The following ZNF488 variants were observed in gnomAD, a reference collection of about 807,000 sequenced individuals.
ZNF488 encodes zinc finger protein 488.
ZNF488 carries 1 observed loss-of-function variant against 1.2 expected under a neutral mutation model. The observed-to-expected ratio is 0.86, with a 90% CI of 0.30 to 4.07. The LOEUF (loss-of-function observed/expected upper bound fraction) is 4.07, where lower values mean the gene tolerates loss of function less well. Among genes scored for constraint, ZNF488 ranks in the 30% most tolerant of loss-of-function variants. The pLI, the probability that ZNF488 is intolerant of heterozygous loss-of-function variation, is 0.18. For missense variants in ZNF488, 450 were observed against 437.9 expected (o/e 1.03, Z -0.25); for synonymous variants, 185 against 190.1 (o/e 0.97, Z 0.22).
chr10:47,377,251 C>T (rs1472358227), intron 1 of ZNF488, among the ~76,000 whole-genome samples: 8 of 152,186 alleles, frequency 5.3e-5, no homozygotes, highest in Non-Finnish European at 7.4e-5. Flanking sequence ...ACTCAGCATC[C>T]TTCCTAACCA....
chr10:47,383,251 T>C (rs551843028), intron 1 of ZNF488, among the ~76,000 whole-genome samples: 1 of 152,358 alleles, frequency 6.6e-6, no homozygotes, highest in Admixed American at 6.5e-5. Flanking sequence ...ATGTCTAATG[T>C]CTCCCTCAGG....
In ZNF488 at chr10:47,367,976, C is replaced by G. The variant is rs146643655; in HGVS notation, c.854G>C (p.Arg285Pro). The G allele has an allele frequency of 1.2e-6, 2 of 1,613,866 alleles. No homozygotes were observed. The highest frequency in any genetic ancestry group is 2.2e-5 in the South Asian group (2 of 91,068). ...NWCAKCNLSF[R>P]LTSDLVFHMR... ...GTGAAAGACCAGGTCGGACGTTAGGCGAAAGGACAGGTTGCACTTTGCACA... is the reference window on the plus strand; with the variant it reads ...GTGAAAGACCAGGTCGGACGTTAGGGGAAAGGACAGGTTGCACTTTGCACA... Residue 285 changes from arginine to proline, a missense_variant, in exon 2 of 2, where the codon CGC (arginine) becomes CCC (proline). Coordinates refer to ENST00000585316, the MANE Select transcript of ZNF488 (RefSeq NM_153034.4).
intron 1 of ZNF488, among the ~76,000 whole-genome samples, chr10:47,383,564 C>T (rs1838066162): frequency 6.6e-6 from 1 of 152,230 alleles, no homozygotes; most frequent in African/African-American, 2.4e-5. Flanking sequence ...TCAATCAACC[C>T]CTTGTCTCTA....
chr10:47,382,970 G>A (rs549572030), intron 1 of ZNF488, among the ~76,000 whole-genome samples: 19 of 152,276 alleles, frequency 1.2e-4, no homozygotes, highest in African/African-American at 3.4e-4. Flanking sequence ...ATTTGTGTGT[G>A]TTTGAACATA....
chr10:47,368,742 C>G lies in ZNF488; in HGVS notation c.88G>C (p.Ala30Pro). The change falls in exon 2 of 2, where the codon GCT becomes CCT. Residue 30 changes from alanine to proline, a missense_variant. Physicochemically the swap from Ala to Pro is conservative, Grantham distance 27 (BLOSUM62 -1). Transcript: ENST00000585316. ...AGKGAPLSPS[A>P]ENRWRLSEPE... The stretch of plus-strand genomic sequence containing the variant: ...TCGCTAAGTCGCCATCTGTTTTCAG[C>G]CGATGGGCTCAACGGGGCTCCCTTC... 6.2e-7 allele frequency: 1 copy of G among 1,613,256 alleles called. No individual in the cohort carries two copies. Among genetic ancestry groups the G allele is most frequent in the Non-Finnish European group, 8.5e-7 (1 of 1,180,022 alleles).
chr10:47,372,921 G>T (rs1380138316), intron 1 of ZNF488, among the ~76,000 whole-genome samples: 1 of 152,156 alleles, frequency 6.6e-6, no homozygotes, highest in African/African-American at 2.4e-5. Context: ...ATGGAGGGAT[G>T]GGCAGAGGCT....
chr10:47,381,751 C>A (rs1214714127), intron 1 of ZNF488, among the ~76,000 whole-genome samples: 1 of 152,212 alleles, frequency 6.6e-6, no homozygotes, highest in African/African-American at 2.4e-5. Context: ...GTGATCTCAT[C>A]ATCCACTCAG....
At chr10:47,378,983 A>G (rs1359650415) in intron 1 of ZNF488, among the ~76,000 whole-genome samples, 1 of 152,186 alleles carries the variant, frequency 6.6e-6, no homozygotes, top group Non-Finnish European at 1.5e-5. Flanking sequence ...GTTCCCGAGC[A>G]AAGCACTCAA....
chr10:47,377,184 A>T (rs560046745), intron 1 of ZNF488, among the ~76,000 whole-genome samples: 1 of 152,214 alleles, frequency 6.6e-6, no homozygotes, highest in Non-Finnish European at 1.5e-5. Context: ...ACAGGAAAGG[A>T]GGAATACGCG....
chr10:47,371,659 C>T (rs1021852546), intron 1 of ZNF488, among the ~76,000 whole-genome samples: 24 of 152,066 alleles, frequency 1.6e-4, no homozygotes, highest in African/African-American at 5.3e-4. Context: ...CGGCAGTGCC[C>T]TTTTCTGCTT....
chr10:47,368,572 G>A lies in ZNF488; in HGVS notation c.258C>T (p.Gly86=). The change falls in exon 2 of 2, where the codon GGC becomes GGT. Residue 86 remains glycine (G), a synonymous_variant. Transcript: ENST00000585316. ...CACGTGTCTTCGGGGGCAGCGGCTT[G>A]CCAGGTCGGGGCTTGCCTGGGGCTA... is the stretch of plus-strand genomic sequence containing the variant. ...LLVAPGKPRP[G]KPLPPKTRGE... is the part of the protein sequence containing the mutation. 1 of 1,610,832 alleles carries A rather than the reference G, an allele frequency of 6.2e-7. No homozygotes were observed. Among genetic ancestry groups the A allele is most frequent in the African/African-American group, 1.3e-5 (1 of 75,004 alleles).
rs1837650010 is a variant in ZNF488, at chr10:47,375,584, C to T, written c.-108-6647G>A. Among the ~76,000 whole-genome samples the T allele has an allele frequency of 5.9e-5, 9 of 152,176 alleles. 1 individual carries two copies. The highest frequency in any genetic ancestry group is 5.9e-4 in the Admixed American group (9 of 15,288). The stretch of plus-strand genomic sequence containing the variant: ...TAGCTGTTATATTGTGAATAGCTCA[C>T]AAAAAGCTGAGGGACTATTCTTCTA... On this transcript the variant is annotated intron_variant, in intron 1 of 1. Coordinates refer to ENST00000585316, the MANE Select transcript of ZNF488 (RefSeq NM_153034.4).
chr10:47,371,750 T>C (rs530244790), intron 1 of ZNF488, among the ~76,000 whole-genome samples: 2 of 152,098 alleles, frequency 1.3e-5, no homozygotes, highest in Non-Finnish European at 2.9e-5. Flanking sequence ...GCTACTTTCC[T>C]AACTGCTCCA....
chr10:47,371,318 CA>C (rs1185387328), intron 1 of ZNF488, among the ~76,000 whole-genome samples: 2 of 151,992 alleles, frequency 1.3e-5, no homozygotes, highest in Non-Finnish European at 2.9e-5. Flanking sequence ...GCTTATAATA[CA>C]ATGTTAGTGT....
In ZNF488 at chr10:47,372,562, G is replaced by A. The variant is rs187049839; in HGVS notation, c.-108-3625C>T. 8.9e-3 allele frequency among the ~76,000 whole-genome samples: 1,359 copies of A among 152,200 alleles called. 24 individuals are homozygous for A. Among genetic ancestry groups the A allele is most frequent in the African/African-American group, 0.03 (1,259 of 41,504 alleles). On this transcript the variant is annotated intron_variant, in intron 1 of 1. Coordinates refer to ENST00000585316, the MANE Select transcript of ZNF488 (RefSeq NM_153034.4). The stretch of plus-strand genomic sequence containing the variant: ...AGTATAGGTCAAGAAAAAAAATAAA[G>A]AGAAGGAGAAAACAGAGAAAATGCA...
intron 1 of ZNF488, among the ~76,000 whole-genome samples, chr10:47,383,203 A>C (rs1276312890): frequency 6.6e-6 from 1 of 152,260 alleles, no homozygotes; most frequent in African/African-American, 2.4e-5. Flanking sequence ...AATGTACATA[A>C]AATCATTACT....
chr10:47,370,407 G>C (rs1555213708), intron 1 of ZNF488, among the ~76,000 whole-genome samples: 1 of 152,234 alleles, frequency 6.6e-6, no homozygotes, highest in Non-Finnish European at 1.5e-5. Context: ...CTTTTCCTTA[G>C]GGAAATAGCC....
rs1268284568 is a variant in ZNF488, at chr10:47,367,687, T to C, written c.*120A>G. The C allele has an allele frequency of 1.6e-5, 19 of 1,161,058 alleles. No homozygotes were observed. The highest frequency in any genetic ancestry group is 2.3e-5 in the Non-Finnish European group (19 of 821,694). The allele number at this position is 1,161,058 out of a possible 1,614,324, so 71.9% of individuals were successfully genotyped here. A position where few individuals can be genotyped will look rare whatever the true frequency, so the allele number is the denominator to read the frequency against. The stretch of plus-strand genomic sequence containing the variant: ...AAATTATGCCTGAGCTGTTTATCTA[T>C]GAATGCCAAAAGCAGCAGCTCTGCA... On this transcript the variant is annotated 3_prime_UTR_variant, in exon 2 of 2. Transcript: ENST00000585316.
In ZNF488 at chr10:47,366,428, G is replaced by A. The variant is rs1837220641; in HGVS notation, c.*1379C>T. 6.0e-6 allele frequency: 1 copy of A among 167,104 alleles called. No individual in the cohort carries two copies. The highest frequency in any genetic ancestry group is 1.5e-5 in the Non-Finnish European group (1 of 68,284). The allele number at this position is 167,104 out of a possible 1,614,324, so 10.4% of individuals were successfully genotyped here. A position where few individuals can be genotyped will look rare whatever the true frequency, so the allele number is the denominator to read the frequency against. The stretch of plus-strand genomic sequence containing the variant: ...AGAGCAATAGAAGAGGTGCAGTCTG[G>A]GAGGCTGGCTGAGATCCCCACCTGC... On this transcript the variant is annotated 3_prime_UTR_variant, in exon 2 of 2. Coordinates refer to ENST00000585316, the MANE Select transcript of ZNF488 (RefSeq NM_153034.4).
Sources: gnomAD v4.1 joint callset for allele counts (sites outside exome capture counted in the v4.1 genomes callset) on GRCh38, gnomAD v4.1.1 for gene constraint, MANE v1.5 for transcripts, NCBI Gene and HGNC (gene_info 2026-07-23, HGNC 2026-07-21) for gene names.